The following EVPL variants were observed in gnomAD, a reference collection of about 807,000 sequenced individuals.
EVPL encodes envoplakin.
EVPL carries 94 observed loss-of-function variants against 129.7 expected under a neutral mutation model. The observed-to-expected ratio is 0.72, with a 90% CI of 0.61 to 0.86. The LOEUF (loss-of-function observed/expected upper bound fraction) is 0.86. Ranked by LOEUF, EVPL falls within the 40% of genes least tolerant of loss-of-function variation. EVPL has a pLI of 0.00. For missense variants in EVPL, 2,625 were observed against 2,721.1 expected (o/e 0.96, Z 0.79); for synonymous variants, 1,172 against 1,191.1 (o/e 0.98, Z 0.33).
In EVPL at chr17:76,009,611, C is replaced by A; in HGVS notation, c.3594G>T (p.Glu1198Asp). The change falls in exon 22 of 22, where the codon GAG (glutamate) becomes GAT (aspartate). Residue 1198 changes from glutamate (E) to aspartate (D), a missense_variant. By Grantham distance (45) the Glu-to-Asp change is conservative. Around this residue, in one of 4 missense-constraint regions of EVPL, gnomAD observed 1,453 missense variants for 1,511.8 expected, o/e 0.96. Transcript: ENST00000301607. This position sits in a 1 kb window ranked among gnomAD's most constrained non-coding sequence, Gnocchi z 5.9. ...CTGTCTCCGGATCCACCTGGAAGATCTCGTGGACGCGCTCCTGGAGCTGCA... is the reference window on the plus strand; with the variant it reads ...CTGTCTCCGGATCCACCTGGAAGATATCGTGGACGCGCTCCTGGAGCTGCA... ...PKVQLQERVHEIFQVDPETEQ... is the reference protein window; with the variant it reads ...PKVQLQERVHDIFQVDPETEQ... 3.7e-6 allele frequency: 6 copies of A among 1,614,050 alleles called. No individual in the cohort carries two copies. The highest frequency in any genetic ancestry group is 4.2e-6 in the Non-Finnish European group (5 of 1,180,038).
intron 17 of EVPL, 85 bp from the exon 18 acceptor site, chr17:76,014,661 C>CTA: frequency 6.5e-7 from 1 of 1,543,790 alleles, no homozygotes; most frequent in Non-Finnish European, 8.7e-7. Context: ...ATGGGAGCCT[C>CTA]CTCCTGGGGG....
In EVPL at chr17:76,007,143, T is replaced by C; in HGVS notation, c.6062A>G (p.Tyr2021Cys). 1 of 1,486,300 alleles carries C rather than the reference T, an allele frequency of 6.7e-7. No homozygotes were observed. Among genetic ancestry groups the C allele is most frequent in the African/African-American group, 1.4e-5 (1 of 71,442 alleles). The allele number at this position is 1,486,300 out of a possible 1,614,324, so 92.1% of individuals were successfully genotyped here. A position where few individuals can be genotyped will look rare whatever the true frequency, so the allele number is the denominator to read the frequency against. ...CGGGACGGTGGGGGAGGCGGAGCGGTAGCAGCGGTACCCCTCCAGTGCCGC... is the reference window on the plus strand; with the variant it reads ...CGGGACGGTGGGGGAGGCGGAGCGGCAGCAGCGGTACCCCTCCAGTGCCGC... ...LPAALEGYRC[Y>C]RSASPTVPRS... Residue 2021 changes from tyrosine to cysteine, a missense_variant, in exon 22 of 22, where the codon TAC becomes TGC. This residue lies in a region of EVPL where 1,453 missense variants were observed against 1,511.8 expected (regional missense o/e 0.96). Coordinates refer to ENST00000301607, the MANE Select transcript of EVPL (RefSeq NM_001988.4). This position sits in a 1 kb window ranked among gnomAD's most constrained non-coding sequence, Gnocchi z 8.8.
At chr17:76,011,415 CCGCT>C in intron 21 of EVPL, 157 bp downstream of exon 21, 1 of 668,232 alleles carries the variant, frequency 1.5e-6, no homozygotes, top group South Asian at 1.7e-5. Context: ...TGGCTGGAAT[CCGCT>C]CCCCTCTCCA....
chr17:76,010,897 C>G (rs969305594), intron 21 of EVPL, among the ~76,000 whole-genome samples: 1 of 152,094 alleles, frequency 6.6e-6, no homozygotes, highest in Non-Finnish European at 1.5e-5. Context: ...CCCATCTCTA[C>G]TAAAAATCCA....
chr17:76,025,686 G>C (rs763475057), intron 1 of EVPL, among the ~76,000 whole-genome samples: 2 of 152,194 alleles, frequency 1.3e-5, no homozygotes, highest in African/African-American at 2.4e-5. Flanking sequence ...ACCCAGCCTC[G>C]GTGTCTGTTG....
chr17:76,018,349 C>A, intron 12 of EVPL, 91 bp from the exon 13 acceptor site: 4 of 1,520,708 alleles, frequency 2.6e-6, no homozygotes, highest in Non-Finnish European at 3.5e-6. Context: ...TGAAGGCCAG[C>A]CTTTGAGCAG....
At chr17:76,017,614 C>T (rs1166594765) in intron 14 of EVPL, 125 bp downstream of exon 14, 3 of 1,336,920 alleles carry the variant, frequency 2.2e-6, no homozygotes, top group Non-Finnish European at 3.0e-6. Flanking sequence ...GAGCCCGGGT[C>T]TGTCCACACC....
At chr17:76,011,751 C>A in intron 20 of EVPL, 21 bp downstream of exon 20, 2 of 1,610,056 alleles carry the variant, frequency 1.2e-6, no homozygotes, top group Non-Finnish European at 1.7e-6. Flanking sequence ...GTCCACTGAG[C>A]CCCGCAAGGT....
In EVPL at chr17:76,009,269, CG is replaced by C; in HGVS notation, c.3935del (p.Thr1312ArgfsTer2). 1.2e-6 allele frequency: 2 copies of C among 1,607,850 alleles called. No individual in the cohort carries two copies. The highest frequency in any genetic ancestry group is 4.5e-5 in the East Asian group (2 of 44,876). On this transcript the variant is annotated frameshift_variant, in exon 22 of 22. Coordinates refer to ENST00000301607, the MANE Select transcript of EVPL (RefSeq NM_001988.4). LOFTEE classifies it low-confidence loss of function (END_TRUNC). The surrounding 1 kb of genome is among the most constrained non-coding windows in gnomAD (Gnocchi z 5.9). ...CGTGGCGCACCACCTCCTTGCTCAC[CG>C]TCTTGGTCTCCACCTTGGCCCGCTC... ...RRERAKVETK[T>X]VSKEVVRHEK...
chr17:76,015,184 G>A, intron 16 of EVPL, 43 bp downstream of exon 16: 1 of 1,561,700 alleles, frequency 6.4e-7, no homozygotes. Flanking sequence ...GCCCCTGAAT[G>A]CTGGGTTCCC....
intron 1 of EVPL, among the ~76,000 whole-genome samples, chr17:76,025,174 A>G (rs1439975704): frequency 1.3e-5 from 2 of 152,216 alleles, no homozygotes; most frequent in Non-Finnish European, 1.5e-5. Context: ...GGATTTTAAT[A>G]AAAATATCTA....
Position 76,024,548 on chromosome 17 carries a change from A to T in EVPL, c.99-428T>A, listed in dbSNP as rs564731723. 1.3e-5 allele frequency among the ~76,000 whole-genome samples: 2 copies of T among 152,040 alleles called. No homozygotes were observed. The highest frequency in any genetic ancestry group is 3.9e-4 in the East Asian group (2 of 5,130). On this transcript the variant is annotated intron_variant, in intron 1 of 21. Transcript: ENST00000301607. The surrounding 1 kb of genome is among the most constrained non-coding windows in gnomAD (Gnocchi z 4.5). ...CTGGCTGGGGCAGGGAGGCAGCAGC[A>T]TGTCCCCCATCCCCACCTCCTCGCA... is the stretch of plus-strand genomic sequence containing the variant.
rs761490039 is a variant in EVPL at position 76,024,002 on chromosome 17, A to C, written c.198+19T>G. On this transcript the variant is annotated intron_variant, in intron 2 of 21. Transcript: ENST00000301607. The surrounding 1 kb of genome is among the most constrained non-coding windows in gnomAD (Gnocchi z 4.5). ...CACCCAGCCTGTCCACGCCCTGCCA[A>C]CTGCTGCCGGGGCCTCACCTGCTGC... is the stretch of plus-strand genomic sequence containing the variant. The C allele has an allele frequency of 2.5e-6, 4 of 1,607,014 alleles. No homozygotes were observed. The highest frequency in any genetic ancestry group is 2.2e-5 in the East Asian group (1 of 44,572).
chr17:76,024,166 T>G lies in EVPL; in HGVS notation c.99-46A>C. On this transcript the variant is annotated intron_variant, in intron 1 of 21. Coordinates refer to ENST00000301607, the MANE Select transcript of EVPL (RefSeq NM_001988.4). The surrounding 1 kb of genome is among the most constrained non-coding windows in gnomAD (Gnocchi z 4.5). ...CGGGTAGCTCGGTGGAAGAGGCCCC[T>G]CTGTGCCCCATCCAGGTGGCATCCC... The G allele has an allele frequency of 6.4e-7, 1 of 1,572,674 alleles. No individual in the cohort carries two copies. The highest frequency in any genetic ancestry group is 8.7e-7 in the Non-Finnish European group (1 of 1,150,706).
At position 76,011,909 on chromosome 17, in the gene EVPL, C is replaced by G. The variant is rs370729940; in HGVS notation, c.2458-27G>C. Reference sequence around the variant, plus strand: ...TGAGCAGGGAGGAAAGGACAGCAGGCTGGCAACCAGTGGGGGAGGCTGGGT... The same window carrying G: ...TGAGCAGGGAGGAAAGGACAGCAGGGTGGCAACCAGTGGGGGAGGCTGGGT... On this transcript the variant is annotated intron_variant, in intron 19 of 21. Transcript: ENST00000301607. The G allele has an allele frequency of 5.2e-5, 84 of 1,610,358 alleles. No individual in the cohort carries two copies. In the African/African-American group the frequency reaches 1.1e-3, roughly 20 times the overall value.
rs373834816 is a variant in EVPL, at chr17:76,022,268, G to A, written c.607-41C>T. The A allele has an allele frequency of 2.7e-4, 440 of 1,610,794 alleles. No homozygotes were observed. The highest frequency in any genetic ancestry group is 1.1e-3 in the Admixed American group (66 of 59,596). ...GGAGAAACAAGCCCGTGAGAGGTGG[G>A]GTGCAGGGAGACGGCCCCCTAAGAT... On this transcript the variant is annotated intron_variant, in intron 5 of 21. Transcript: ENST00000301607. The surrounding 1 kb of genome is among the most constrained non-coding windows in gnomAD (Gnocchi z 5.6).
intron 18 of EVPL, 151 bp from the exon 19 acceptor site, chr17:76,012,240 T>C: frequency 5.1e-6 from 3 of 584,980 alleles, no homozygotes; most frequent in Non-Finnish European, 6.1e-6. Flanking sequence ...ACTCCCTCCT[T>C]TCCCTGACAT....
At chr17:76,018,666 T>C in intron 11 of EVPL, 66 bp from the exon 12 acceptor site, 1 of 1,507,802 alleles carries the variant, frequency 6.6e-7, no homozygotes, top group Non-Finnish European at 8.9e-7. Context: ...CAGGGCAGAG[T>C]AGGGGCTGGG....
intron 1 of EVPL, 141 bp downstream of exon 1, chr17:76,026,960 C>A: frequency 1.8e-6 from 1 of 564,014 alleles, no homozygotes; most frequent in Non-Finnish European, 3.1e-6. Flanking sequence ...TCCCTGGGCC[C>A]TTTGGCCTCA....
Sources: allele counts gnomAD v4.1 joint callset (sites outside exome capture counted in the v4.1 genomes callset), GRCh38; gene constraint gnomAD v4.1.1; regional missense constraint gnomAD v4.1.1; non-coding constraint Gnocchi (gnomAD v3.1); transcripts MANE v1.5; gene names NCBI Gene and HGNC (gene_info 2026-07-23, HGNC 2026-07-21).